Variants in TMEM269 observed in about 807,000 individuals in gnomAD.
The protein encoded by TMEM269 is transmembrane protein 269.
In TMEM269, 12 loss-of-function variants were observed where a neutral mutation model predicts 15.8. The ratio of observed to expected loss-of-function variants is 0.76; its 90% CI spans 0.49 to 1.23. The LOEUF is 1.23. TMEM269 is among the 50% of genes most tolerant of loss of function. The pLI is 0.00. For missense variants in TMEM269, 211 were observed against 245.4 expected (o/e 0.86, Z 0.94); for synonymous variants, 93 against 99.3 (o/e 0.94, Z 0.38).
chr1:42,798,383 C>G lies in TMEM269; in HGVS notation c.*158C>G. ...TGAAGTTAGAAACCCAAAGCAGGGT[C>G]AGTGAACTTCACTTCTTTGTCTTTA... On this transcript the variant is annotated 3_prime_UTR_variant, in exon 6 of 6. Coordinates refer to ENST00000637012, the MANE Select transcript of TMEM269 (RefSeq NM_001354602.2). The G allele has an allele frequency of 1.1e-6, 1 of 874,126 alleles. No individual in the cohort carries two copies. The allele number at this position is 874,126 out of a possible 1,614,324, so 54.1% of individuals were successfully genotyped here. A position where few individuals can be genotyped will look rare whatever the true frequency, so the allele number is the denominator to read the frequency against.
intron 5 of TMEM269, among the ~76,000 whole-genome samples, chr1:42,794,834 C>G (rs1466864703): frequency 6.6e-6 from 1 of 152,144 alleles, no homozygotes; most frequent in Non-Finnish European, 1.5e-5. Context: ...ATCCCCAGTG[C>G]CTAGAAGTGT....
Position 42,798,446 on chromosome 1 carries a change from A to C in TMEM269, c.*221A>C. 1.7e-6 allele frequency: 1 copy of C among 572,812 alleles called. No individual in the cohort carries two copies. The highest frequency in any genetic ancestry group is 3.0e-6 in the Non-Finnish European group (1 of 329,862). The allele number at this position is 572,812 out of a possible 1,614,324, so 35.5% of individuals were successfully genotyped here. On this transcript the variant is annotated 3_prime_UTR_variant, in exon 6 of 6. Transcript: ENST00000637012. ...ACTCCCTTGCGGACAATACTTGTTTATGTCATGTAGAGCAGAATATCCCCC... is the reference window on the plus strand; with the variant it reads ...ACTCCCTTGCGGACAATACTTGTTTCTGTCATGTAGAGCAGAATATCCCCC...
rs1570508960 is a variant in TMEM269 at position 42,798,854 on chromosome 1, C to T, written c.*629C>T. On this transcript the variant is annotated 3_prime_UTR_variant, in exon 6 of 6. Transcript: ENST00000637012. ...GCCCCCCGGGATTCACGCCATTCTC[C>T]TGCCTCAGCCTCCCGCGTAGCTGGG... is the stretch of plus-strand genomic sequence containing the variant. The T allele has an allele frequency of 6.7e-6, 1 of 148,582 alleles. No homozygotes were observed. The allele number at this position is 148,582 out of a possible 1,614,324, so 9.2% of individuals were successfully genotyped here. A position where few individuals can be genotyped will look rare whatever the true frequency, so the allele number is the denominator to read the frequency against.
intron 2 of TMEM269, among the ~76,000 whole-genome samples, chr1:42,792,112 G>A (rs1463912997): frequency 6.6e-6 from 1 of 152,038 alleles, no homozygotes; most frequent in Non-Finnish European, 1.5e-5. Flanking sequence ...AATAAAATCA[G>A]TAAACCTCTA....
chr1:42,789,549 G>C, intron 1 of TMEM269: 1 of 1,492,532 alleles, frequency 6.7e-7, no homozygotes, highest in Non-Finnish European at 9.0e-7. Context: ...AGAGGGAGTG[G>C]AAACTATGCT....
At chr1:42,790,772 G>A (rs1653671368) in intron 2 of TMEM269, among the ~76,000 whole-genome samples, 1 of 152,024 alleles carries the variant, frequency 6.6e-6, no homozygotes, top group African/African-American at 2.4e-5. Flanking sequence ...TAATTTTCTA[G>A]GAGTGTTGCC....
chr1:42,794,243 A>G (rs1219068931), intron 4 of TMEM269, among the ~76,000 whole-genome samples, 170 bp from the exon 5 acceptor site: 2 of 152,110 alleles, frequency 1.3e-5, no homozygotes, highest in Non-Finnish European at 2.9e-5. Context: ...ACCAATGTAA[A>G]ACCCATGCAT....
Position 42,792,109 on chromosome 1 carries a change from T to A in TMEM269, c.42-696T>A, listed in dbSNP as rs931857123. On this transcript the variant is annotated intron_variant, in intron 2 of 5. Coordinates refer to ENST00000637012, the MANE Select transcript of TMEM269 (RefSeq NM_001354602.2). ...TGATTCTTTGAGAAGATCAATAAAA[T>A]CAGTAAACCTCTAGCCAGGCTAACC... Among the ~76,000 whole-genome samples, 7 of 151,900 alleles carry A rather than the reference T, an allele frequency of 4.6e-5. No homozygotes were observed. In the East Asian group the frequency reaches 1.4e-3, roughly 29 times the overall value.
At chr1:42,798,061 C>G in intron 5 of TMEM269, 37 bp from the exon 6 acceptor site, 1 of 1,550,534 alleles carries the variant, frequency 6.4e-7, no homozygotes, top group Non-Finnish European at 8.7e-7. Context: ...AAGACAGCTT[C>G]CTAGAAATTG....
At position 42,794,468 on chromosome 1, in the gene TMEM269, T is replaced by C. The variant is rs1033758451; in HGVS notation, c.339T>C (p.Ala113=). 6.4e-7 allele frequency: 1 copy of C among 1,550,542 alleles called. No individual in the cohort carries two copies. The highest frequency in any genetic ancestry group is 1.4e-5 in the African/African-American group (1 of 73,048). ...LPCPYASCIL[A]STSLLTKGNR... is the part of the protein sequence containing the mutation. ...GCCCCTATGCTTCCTGCATCTTGGC[T>C]TCCACCTCCCTTCTGACCAAAGGCA... The change falls in exon 5 of 6, where the codon GCT becomes GCC. Residue 113 remains alanine, a synonymous_variant. Transcript: ENST00000637012.
rs115537836 is a variant in TMEM269, at chr1:42,797,931, T to A, written c.485-167T>A. 899 of 751,456 alleles carry A rather than the reference T, an allele frequency of 1.2e-3. 2 individuals carry two copies. In the African/African-American group the frequency reaches 0.014, roughly 11 times the overall value. The allele number at this position is 751,456 out of a possible 1,614,324, so 46.5% of individuals were successfully genotyped here. ...ATACTTCTCTAGTTACTTACCTATCTCTATTAAACTGAACTTGAAGACAGG... is the reference window on the plus strand; with the variant it reads ...ATACTTCTCTAGTTACTTACCTATCACTATTAAACTGAACTTGAAGACAGG... On this transcript the variant is annotated intron_variant, in intron 5 of 5. Coordinates refer to ENST00000637012, the MANE Select transcript of TMEM269 (RefSeq NM_001354602.2). This position sits in a 1 kb window ranked among gnomAD's most constrained non-coding sequence, Gnocchi z 4.9.
intron 5 of TMEM269, chr1:42,796,823 C>T (rs1653797986): frequency 6.6e-6 from 1 of 152,118 alleles, no homozygotes; most frequent in African/African-American, 2.4e-5. Flanking sequence ...GCTTATTACT[C>T]CTAGAAGTGG....
chr1:42,786,811 GAA>G (rs1653549576), intron 1 of TMEM269, among the ~76,000 whole-genome samples: 1 of 152,230 alleles, frequency 6.6e-6, no homozygotes, highest in Non-Finnish European at 1.5e-5. Flanking sequence ...AACATTTGCT[GAA>G]TGAGTGGGTG....
At position 42,788,323 on chromosome 1, in the gene TMEM269, G is replaced by C. The variant is rs927037513; in HGVS notation, c.-98-1473G>C. Among the ~76,000 whole-genome samples the C allele has an allele frequency of 3.9e-5, 6 of 152,162 alleles. No individual in the cohort carries two copies. The highest frequency in any genetic ancestry group is 1.4e-4 in the African/African-American group (6 of 41,414). Reference sequence around the variant, plus strand: ...AGGATTAAATGAGAAAACAGATCTGGGAACACCTTGAAACTTGTTTATTTC... The same window carrying C: ...AGGATTAAATGAGAAAACAGATCTGCGAACACCTTGAAACTTGTTTATTTC... On this transcript the variant is annotated intron_variant, in intron 1 of 5. Transcript: ENST00000637012. The surrounding 1 kb of genome is among the most constrained non-coding windows in gnomAD (Gnocchi z 4.0).
In TMEM269 at chr1:42,793,666, G is replaced by T; in HGVS notation, c.205G>T (p.Val69Leu). Reference protein sequence around the residue: ...FGLASALLLGVDGLLSGILAI... With the variant: ...FGLASALLLGLDGLLSGILAI... ...CTTGGCCTCCGCTCTGCTCCTAGGC[G>T]TGGATGGACTTCTGAGTGGGATCCT... is the stretch of plus-strand genomic sequence containing the variant. Residue 69 changes from valine to leucine, a missense_variant, in exon 4 of 6, where the codon GTG becomes TTG. Val to Leu is a conservative substitution (Grantham distance 32). Transcript: ENST00000637012. 4 of 1,550,582 alleles carry T rather than the reference G, an allele frequency of 2.6e-6. No individual in the cohort carries two copies. The highest frequency in any genetic ancestry group is 3.5e-6 in the Non-Finnish European group (4 of 1,146,968).
rs1475687513 is a variant in TMEM269, at chr1:42,799,626, A to C, written c.*1401A>C. ...CTATCTGCCATAGTGCCTGACACTC[A>C]GAAATGTTCCCTTTGTATATGAATT... is the stretch of plus-strand genomic sequence containing the variant. On this transcript the variant is annotated 3_prime_UTR_variant, in exon 6 of 6. Transcript: ENST00000637012. The C allele has an allele frequency of 1.3e-5, 2 of 152,226 alleles. No individual in the cohort carries two copies. The highest frequency in any genetic ancestry group is 1.9e-4 in the East Asian group (1 of 5,204). The allele number at this position is 152,226 out of a possible 1,614,324, so 9.4% of individuals were successfully genotyped here. A position where few individuals can be genotyped will look rare whatever the true frequency, so the allele number is the denominator to read the frequency against.
rs11810637 is a variant in TMEM269, at chr1:42,798,567, G to C, written c.*342G>C. The C allele has an allele frequency of 0.017, 4,414 of 259,168 alleles. 206 individuals carry two copies. The highest frequency in any genetic ancestry group is 0.089 in the African/African-American group (4,124 of 46,122). 16.1% of individuals were successfully genotyped at this position (259,168 alleles called of 1,614,324 possible). A position where few individuals can be genotyped will look rare whatever the true frequency, so the allele number is the denominator to read the frequency against. ...AGGTCCATCCCTTGGAAAGGAGTGA[G>C]AGCCTTCAGAACTGGTATTGGCCTC... On this transcript the variant is annotated 3_prime_UTR_variant, in exon 6 of 6. Coordinates refer to ENST00000637012, the MANE Select transcript of TMEM269 (RefSeq NM_001354602.2).
chr1:42,796,727 GT>G (rs1311277129), intron 5 of TMEM269: 1 of 151,922 alleles, frequency 6.6e-6, no homozygotes, highest in African/African-American at 2.4e-5. Context: ...GACAACTCTG[GT>G]TTTCAGTATT....
intron 1 of TMEM269, among the ~76,000 whole-genome samples, chr1:42,786,275 G>A (rs1268564281): frequency 6.6e-6 from 1 of 152,224 alleles, no homozygotes; most frequent in East Asian, 1.9e-4. Flanking sequence ...ACTGGGTACA[G>A]GGACCTCGGC....
Sources: allele counts gnomAD v4.1 joint callset (sites outside exome capture counted in the v4.1 genomes callset), GRCh38; gene constraint gnomAD v4.1.1; non-coding constraint Gnocchi (gnomAD v3.1); transcripts MANE v1.5; gene names NCBI Gene and HGNC (gene_info 2026-07-23, HGNC 2026-07-21).